The following ARHGAP35 variants were observed in gnomAD, a reference collection of about 807,000 sequenced individuals.
ARHGAP35 encodes the protein Rho GTPase activating protein 35.
ARHGAP35 carries 15 observed loss-of-function variants against 111.1 expected under a neutral mutation model. That is an observed-to-expected ratio of 0.13 (90% confidence interval 0.09 to 0.21). The LOEUF is 0.21. Ranked by LOEUF, ARHGAP35 falls within the 10% of genes least tolerant of loss-of-function variation. The pLI, the probability that ARHGAP35 is intolerant of heterozygous loss-of-function variation, is 1.00. For synonymous variants in ARHGAP35, 643 were observed against 710.3 expected, an observed-to-expected ratio of 0.91 and a Z score of 1.51; for missense variants, 1,262 against 1,873.0, an observed-to-expected ratio of 0.67 and a Z score of 6.02.
intron 1 of ARHGAP35, among the ~76,000 whole-genome samples, chr19:46,906,955 G>T (rs1456045649): frequency 6.6e-6 from 1 of 152,014 alleles, no homozygotes; most frequent in Non-Finnish European, 1.5e-5. Flanking sequence ...CAGGCGCGAT[G>T]GCACATGCCT....
At position 47,000,733 on chromosome 19, in the gene ARHGAP35, C is replaced by T. The variant is rs201211655; in HGVS notation, c.*45C>T. 2.8e-5 allele frequency: 42 copies of T among 1,526,970 alleles called. No homozygotes were observed. Among genetic ancestry groups the T allele is most frequent in the South Asian group, 2.3e-4 (18 of 79,084 alleles). 94.6% of individuals were successfully genotyped at this position (1,526,970 alleles called of 1,614,324 possible). On this transcript the variant is annotated 3_prime_UTR_variant, in exon 7 of 7. Transcript: ENST00000672722. This position sits in a 1 kb window ranked among gnomAD's most constrained non-coding sequence, Gnocchi z 6.9. ...ACAGGAGAACCGGTCCTCTCTCTGA[C>T]GGGGTGGCATTTGGCCTTGAACAAA...
At position 46,993,545 on chromosome 19, in the gene ARHGAP35, A is replaced by G. The variant is rs578239365; in HGVS notation, c.4036+3870A>G. Among the ~76,000 whole-genome samples, 2 of 152,286 alleles carry G rather than the reference A, an allele frequency of 1.3e-5. No individual in the cohort carries two copies. Among genetic ancestry groups the G allele is most frequent in the African/African-American group, 4.8e-5 (2 of 41,558 alleles). ...CTGGTGTGTCTGTTTTGTAAGAGGT[A>G]TGGGAAGCTAATCGGTAAGGTCCCT... On this transcript the variant is annotated intron_variant, in intron 5 of 6. Transcript: ENST00000672722. This position sits in a 1 kb window ranked among gnomAD's most constrained non-coding sequence, Gnocchi z 4.6.
chr19:46,999,653 A>C lies in ARHGAP35; in HGVS notation c.4142+244A>C, dbSNP rs2056735171. Reference sequence around the variant, plus strand: ...AGCCCACGTGGCCTCAAACCTGCCTAACACCAGATAGGGCACTTAGCTCCA... The same window carrying C: ...AGCCCACGTGGCCTCAAACCTGCCTCACACCAGATAGGGCACTTAGCTCCA... On this transcript the variant is annotated intron_variant, in intron 6 of 6. Transcript: ENST00000672722. The surrounding 1 kb of genome is among the most constrained non-coding windows in gnomAD (Gnocchi z 5.4). 5.8e-6 allele frequency: 3 copies of C among 517,338 alleles called. No homozygotes were observed. The highest frequency in any genetic ancestry group is 1.0e-5 in the Non-Finnish European group (3 of 289,710). 32.0% of individuals were successfully genotyped at this position (517,338 alleles called of 1,614,324 possible).
Position 46,992,072 on chromosome 19 carries a change from T to C in ARHGAP35, c.4036+2397T>C, listed in dbSNP as rs1346188335. Among the ~76,000 whole-genome samples, 1 of 152,092 alleles carries C rather than the reference T, an allele frequency of 6.6e-6. No homozygotes were observed. Among genetic ancestry groups the C allele is most frequent in the Admixed American group, 6.5e-5 (1 of 15,268 alleles). On this transcript the variant is annotated intron_variant, in intron 5 of 6. Transcript: ENST00000672722. This position sits in a 1 kb window ranked among gnomAD's most constrained non-coding sequence, Gnocchi z 4.4. ...TTTGCCAGTTATTTTCCTCCCACAC[T>C]CAAGGTGACACGTGGGAGATTCAGA...
chr19:46,861,401 C>A, intron 1 of ARHGAP35, among the ~76,000 whole-genome samples, 192 bp downstream of exon 1: 1 of 149,826 alleles, frequency 6.7e-6, no homozygotes, highest in African/African-American at 2.5e-5. Flanking sequence ...TCGGCCCGGC[C>A]CGTGGGGCCC....
At chr19:46,947,704 G>C (rs2056387911) in intron 3 of ARHGAP35, 1 of 152,156 alleles carries the variant, frequency 6.6e-6, no homozygotes, top group Non-Finnish European at 1.5e-5. Flanking sequence ...AGATCCTGCA[G>C]GTTGGGGGCT....
intron 2 of ARHGAP35, among the ~76,000 whole-genome samples, chr19:46,924,057 A>G (rs546560696): frequency 7.2e-5 from 11 of 152,220 alleles, no homozygotes; most frequent in Non-Finnish European, 1.6e-4. Flanking sequence ...ATTATGATAT[A>G]TAGAAGGATT....
intron 1 of ARHGAP35, among the ~76,000 whole-genome samples, chr19:46,899,125 C>T (rs193092660): frequency 3.9e-5 from 6 of 152,246 alleles, no homozygotes; most frequent in Non-Finnish European, 7.3e-5. Flanking sequence ...CAAATGAATG[C>T]TGTAATTGCT....
chr19:46,906,468 G>A (rs943891240), intron 1 of ARHGAP35, among the ~76,000 whole-genome samples: 2 of 152,240 alleles, frequency 1.3e-5, no homozygotes, highest in East Asian at 3.8e-4. Context: ...GCCAGGATTA[G>A]AGTCACCTGT....
intron 1 of ARHGAP35, among the ~76,000 whole-genome samples, chr19:46,906,529 A>G (rs901964287): frequency 6.6e-6 from 1 of 152,184 alleles, no homozygotes; most frequent in African/African-American, 2.4e-5. Context: ...GATTGTATAG[A>G]AAAGTGTATA....
At chr19:46,884,011 C>T (rs1399821718) in intron 1 of ARHGAP35, among the ~76,000 whole-genome samples, 1 of 152,082 alleles carries the variant, frequency 6.6e-6, no homozygotes, top group Non-Finnish European at 1.5e-5. Context: ...GCCGAGATTG[C>T]GCCAGTGCAC....
At chr19:46,930,395 G>GTTCCCCACCACCCCACCTGC in intron 2 of ARHGAP35, among the ~76,000 whole-genome samples, 1 of 146,894 alleles carries the variant, frequency 6.8e-6, no homozygotes, top group Non-Finnish European at 1.5e-5. Context: ...CCGATGCCTG[G>GTTCCCCACCACCCCACCTGC]TTCCCCACCA....
In ARHGAP35 at chr19:47,000,274, C is replaced by T. The variant is rs1317084194; in HGVS notation, c.4143-57C>T. On this transcript the variant is annotated intron_variant, in intron 6 of 6. Transcript: ENST00000672722. This position sits in a 1 kb window ranked among gnomAD's most constrained non-coding sequence, Gnocchi z 6.9. ...CCTGGGTGCTGAAGACCATGAGCGC[C>T]CAGGGCCAGGTGGGGCCCTGCACAG... is the stretch of plus-strand genomic sequence containing the variant. The T allele has an allele frequency of 6.4e-7, 1 of 1,556,332 alleles. No homozygotes were observed. Among genetic ancestry groups the T allele is most frequent in the Non-Finnish European group, 8.7e-7 (1 of 1,144,720 alleles).
chr19:46,984,247 G>C (rs1476779221), intron 3 of ARHGAP35, among the ~76,000 whole-genome samples: 1 of 152,198 alleles, frequency 6.6e-6, no homozygotes, highest in Non-Finnish European at 1.5e-5. Context: ...GACATGGTGG[G>C]TGGAGGTCAC....
chr19:46,899,471 A>G (rs1318998287), intron 1 of ARHGAP35, among the ~76,000 whole-genome samples: 2 of 152,144 alleles, frequency 1.3e-5, no homozygotes, highest in African/African-American at 2.4e-5. Context: ...GAGGCTGGCA[A>G]TCATTTGAGC....
chr19:46,861,342 GGCCCCCCCCCCA>G, intron 1 of ARHGAP35, among the ~76,000 whole-genome samples, 133 bp downstream of exon 1: 1 of 147,584 alleles, frequency 6.8e-6, no homozygotes, highest in South Asian at 2.1e-4. Flanking sequence ...GGGGAGGAGC[GGCCCCCCCCCCA>G]GCCCCCCGGG....
Position 46,999,548 on chromosome 19 carries a change from A to G in ARHGAP35, c.4142+139A>G, listed in dbSNP as rs1293214748. 6 of 592,264 alleles carry G rather than the reference A, an allele frequency of 1.0e-5. No homozygotes were observed. Among genetic ancestry groups the G allele is most frequent in the East Asian group, 2.9e-5 (1 of 34,694 alleles). 36.7% of individuals were successfully genotyped at this position (592,264 alleles called of 1,614,324 possible). On this transcript the variant is annotated intron_variant, in intron 6 of 6. Coordinates refer to ENST00000672722, the MANE Select transcript of ARHGAP35 (RefSeq NM_004491.5). The surrounding 1 kb of genome is among the most constrained non-coding windows in gnomAD (Gnocchi z 5.4). ...TGGAAGGGGTGCTGGCTGGCCTCCCATGGTGCCCGCTGGTCTCGGTGCCCA... is the reference window on the plus strand; with the variant it reads ...TGGAAGGGGTGCTGGCTGGCCTCCCGTGGTGCCCGCTGGTCTCGGTGCCCA...
chr19:46,990,042 G>A (rs1305580796), intron 5 of ARHGAP35, among the ~76,000 whole-genome samples: 1 of 152,200 alleles, frequency 6.6e-6, no homozygotes, highest in Non-Finnish European at 1.5e-5. Context: ...TATTCGGAAA[G>A]GCCTAGAAGT....
At chr19:46,977,378 C>A (rs1568485143) in intron 3 of ARHGAP35, among the ~76,000 whole-genome samples, 1 of 152,248 alleles carries the variant, frequency 6.6e-6, no homozygotes, top group South Asian at 2.1e-4. Context: ...GAGTTGGATG[C>A]TCCAGCCGCT....
Sources: gnomAD v4.1 joint callset for allele counts (sites outside exome capture counted in the v4.1 genomes callset) on GRCh38, gnomAD v4.1.1 for gene constraint, Gnocchi (gnomAD v3.1) non-coding constraint, MANE v1.5 for transcripts, NCBI Gene and HGNC (gene_info 2026-07-23, HGNC 2026-07-21) for gene names.